TMEM132B: variants seen among roughly 807,000 people sequenced by gnomAD.
The protein encoded by TMEM132B is transmembrane protein 132B.
In TMEM132B, 18 loss-of-function variants were observed where a neutral mutation model predicts 90.8. The ratio of observed to expected loss-of-function variants is 0.20; its 90% CI spans 0.14 to 0.29. The LOEUF is 0.29. TMEM132B is among the 10% of genes least tolerant of loss of function. TMEM132B has a pLI of 1.00. For missense variants in TMEM132B, 1,096 were observed against 1,326.8 expected, an observed-to-expected ratio of 0.83 and a Z score of 2.70; for synonymous variants, 504 against 523.3, an observed-to-expected ratio of 0.96 and a Z score of 0.50.
intron 1 of TMEM132B, among the ~76,000 whole-genome samples, chr12:125,229,936 A>G (rs953980180): frequency 1.3e-5 from 2 of 152,358 alleles, no homozygotes; most frequent in Admixed American, 1.3e-4. Flanking sequence ...TGCCCATTCC[A>G]GAACCACTTA....
chr12:125,592,300 A>T (rs559003058), intron 5 of TMEM132B, among the ~76,000 whole-genome samples: 2 of 152,174 alleles, frequency 1.3e-5, no homozygotes, highest in Non-Finnish European at 2.9e-5. Context: ...TGGGGGATGA[A>T]CTCTTTCACA....
intron 3 of TMEM132B, among the ~76,000 whole-genome samples, chr12:125,461,889 TCTCGAC>T (rs576859159): frequency 8.5e-5 from 13 of 152,364 alleles, no homozygotes; most frequent in African/African-American, 3.1e-4. Context: ...CAAGCCTGGT[TCTCGAC>T]CTCGCTGTGC....
At chr12:125,238,378 AAAAAAAAAC>A (rs1873987154) in intron 1 of TMEM132B, among the ~76,000 whole-genome samples, 3 of 131,592 alleles carry the variant, frequency 2.3e-5, no homozygotes, top group Admixed American at 7.3e-5. Flanking sequence ...AAAAAAAAAC[AAAAAAAAAC>A]CAAAAAAACA....
rs529588198 is a variant in TMEM132B at position 125,648,537 on chromosome 12, T to G, written c.1644-2146T>G. Among the ~76,000 whole-genome samples the G allele has an allele frequency of 1.3e-4, 19 of 151,702 alleles. No homozygotes were observed. In the East Asian group the frequency reaches 3.7e-3, roughly 29 times the overall value. On this transcript the variant is annotated intron_variant, in intron 6 of 8. Coordinates refer to ENST00000682704, the MANE Select transcript of TMEM132B (RefSeq NM_001366854.1). Reference sequence around the variant, plus strand: ...GAGTGTATAAGATCTCCTGTTTTTTTTTTTTTTTCTGTTGTTGTTGTTGTT... The same window carrying G: ...GAGTGTATAAGATCTCCTGTTTTTTGTTTTTTTTCTGTTGTTGTTGTTGTT...
chr12:125,280,920 TG>T (rs1875149132), intron 1 of TMEM132B, among the ~76,000 whole-genome samples: 1 of 151,984 alleles, frequency 6.6e-6, no homozygotes, highest in African/African-American at 2.4e-5. Flanking sequence ...AAGGCAGAAG[TG>T]AGAAAACGGG....
At chr12:125,400,930 A>G (rs1191091142) in intron 2 of TMEM132B, among the ~76,000 whole-genome samples, 1 of 152,198 alleles carries the variant, frequency 6.6e-6, no homozygotes, top group Non-Finnish European at 1.5e-5. Context: ...GTGCTTCAGA[A>G]GGGCAACTTG....
intron 1 of TMEM132B, among the ~76,000 whole-genome samples, chr12:125,345,583 C>T (rs1877331432): frequency 6.6e-6 from 1 of 152,184 alleles, no homozygotes. Flanking sequence ...CCTGCCGAGG[C>T]TGTCTTTAGG....
At chr12:125,226,398 C>T (rs1361325869) in intron 1 of TMEM132B, among the ~76,000 whole-genome samples, 1 of 152,242 alleles carries the variant, frequency 6.6e-6, no homozygotes, top group Admixed American at 6.5e-5. Flanking sequence ...ATCTCTTGAG[C>T]AGTGTCTTAA....
At chr12:125,558,273 T>G (rs964700263) in intron 4 of TMEM132B, among the ~76,000 whole-genome samples, 2 of 152,222 alleles carry the variant, frequency 1.3e-5, no homozygotes, top group African/African-American at 2.4e-5. Context: ...GTGGCCAGTG[T>G]GTTCTCTTCT....
intron 3 of TMEM132B, among the ~76,000 whole-genome samples, chr12:125,501,451 GT>G (rs1180859443): frequency 6.6e-6 from 1 of 152,128 alleles, no homozygotes; most frequent in East Asian, 1.9e-4. Flanking sequence ...TGCCATGGTG[GT>G]TTGCTGCATG....
chr12:125,467,895 A>G (rs1383697354), intron 3 of TMEM132B, among the ~76,000 whole-genome samples: 1 of 152,218 alleles, frequency 6.6e-6, no homozygotes. Flanking sequence ...GCTTAGCATA[A>G]TATTTTCAAG....
At chr12:125,641,435 T>TA (rs1003878951) in intron 5 of TMEM132B, among the ~76,000 whole-genome samples, 48 of 152,188 alleles carry the variant, frequency 3.2e-4, no homozygotes, top group African/African-American at 1.1e-3. Flanking sequence ...TGTACGTTGT[T>TA]AGATACCTCA....
chr12:125,506,280 G>A (rs191035055), intron 3 of TMEM132B, among the ~76,000 whole-genome samples: 1 of 152,340 alleles, frequency 6.6e-6, no homozygotes, highest in East Asian at 1.9e-4. Flanking sequence ...ATTATATTCT[G>A]TGTGATTCCA....
At chr12:125,350,388 G>C (rs757013485) in intron 2 of TMEM132B, 45 bp downstream of exon 2, 5 of 1,542,884 alleles carry the variant, frequency 3.2e-6, no homozygotes, top group Non-Finnish European at 4.4e-6. Flanking sequence ...CCAACTCTTA[G>C]TAATCAATGA....
At chr12:125,232,498 T>A (rs1873849972) in intron 1 of TMEM132B, among the ~76,000 whole-genome samples, 1 of 152,180 alleles carries the variant, frequency 6.6e-6, no homozygotes, top group South Asian at 2.1e-4. Flanking sequence ...GAATTCCTGA[T>A]CATGGAATTT....
intron 3 of TMEM132B, among the ~76,000 whole-genome samples, chr12:125,443,044 C>T (rs1330461821): frequency 6.6e-6 from 1 of 152,194 alleles, no homozygotes; most frequent in Non-Finnish European, 1.5e-5. Context: ...TCCCTTACAG[C>T]ATCTCAGATC....
intron 5 of TMEM132B, among the ~76,000 whole-genome samples, chr12:125,608,386 T>C (rs1885747368): frequency 1.3e-5 from 2 of 152,208 alleles, no homozygotes; most frequent in African/African-American, 2.4e-5. Context: ...TGGAAAAATG[T>C]CTATTGAGGT....
At chr12:125,645,931 G>A (rs896758246) in intron 6 of TMEM132B, among the ~76,000 whole-genome samples, 3 of 152,202 alleles carry the variant, frequency 2.0e-5, no homozygotes, top group Non-Finnish European at 2.9e-5. Flanking sequence ...AGATTTTGAG[G>A]AGCATCATGG....
At chr12:125,558,860 A>C (rs1332970224) in intron 4 of TMEM132B, among the ~76,000 whole-genome samples, 2 of 152,220 alleles carry the variant, frequency 1.3e-5, no homozygotes, top group Non-Finnish European at 2.9e-5. Flanking sequence ...TGAACTTGAC[A>C]AACAAGGTTC....
Sources: allele counts gnomAD v4.1 joint callset (sites outside exome capture counted in the v4.1 genomes callset), GRCh38; gene constraint gnomAD v4.1.1; transcripts MANE v1.5; gene names NCBI Gene and HGNC (gene_info 2026-07-23, HGNC 2026-07-21).